Variants in SMYD3 observed in about 807,000 individuals in gnomAD.
SMYD3 encodes the protein SET and MYND domain containing 3, also known as histone-lysine N-methyltransferase SMYD3.
A neutral mutation model predicts 57.7 loss-of-function variants in SMYD3; 36 were observed. That is an observed-to-expected ratio of 0.62 (90% confidence interval 0.48 to 0.82). The LOEUF (loss-of-function observed/expected upper bound fraction) is 0.82, where lower values mean the gene tolerates loss of function less well. Ranked by LOEUF, SMYD3 falls within the 40% of genes least tolerant of loss-of-function variation. The probability of loss-of-function intolerance (pLI) is 0.00; values close to 1 mark genes in which losing one functional copy is unlikely to be tolerated. For synonymous variants in SMYD3, 211 were observed against 195.0 expected, an observed-to-expected ratio of 1.08 and a Z score of -0.68; for missense variants, 515 against 538.8, an observed-to-expected ratio of 0.96 and a Z score of 0.44.
chr1:246,481,593 C>CATATATATATATATTATATATATAT (rs2068101358), intron 1 of SMYD3, among the ~76,000 whole-genome samples: 1 of 27,980 alleles, frequency 3.6e-5, no homozygotes, highest in African/African-American at 1.1e-4. Context: ...TCTCAGGCTC[C>CATATATATATATATTATATATATAT]ATATATATAT....
chr1:246,049,890 T>C (rs1194209018), intron 5 of SMYD3, among the ~76,000 whole-genome samples: 3 of 152,182 alleles, frequency 2.0e-5, no homozygotes, highest in Non-Finnish European at 4.4e-5. Context: ...ACCACTTCAA[T>C]AGCCCACTAA....
chr1:246,384,471 C>T (rs940730469), intron 1 of SMYD3, among the ~76,000 whole-genome samples: 5 of 152,038 alleles, frequency 3.3e-5, no homozygotes, highest in African/African-American at 1.2e-4. Flanking sequence ...TCTCGGCTCA[C>T]TGCAACCTCC....
chr1:246,303,592 TTTTA>T (rs2064931687), intron 5 of SMYD3, among the ~76,000 whole-genome samples: 1 of 152,186 alleles, frequency 6.6e-6, no homozygotes, highest in Non-Finnish European at 1.5e-5. Flanking sequence ...TTCAAACATA[TTTTA>T]TTTGTGGTGA....
At position 245,749,613 on chromosome 1, in the gene SMYD3, C is replaced by G. The variant is rs543248634; in HGVS notation, c.1237G>C (p.Asp413His). 1 of 1,614,186 alleles carries G rather than the reference C, an allele frequency of 6.2e-7. No homozygotes were observed. Among genetic ancestry groups the G allele is most frequent in the African/African-American group, 1.3e-5 (1 of 75,046 alleles). Residue 413 changes from aspartate (D) to histidine (H), a missense_variant, in exon 12 of 12, where the codon GAT (aspartate) becomes CAT (histidine). Asp to His is a moderately conservative substitution (Grantham distance 81, BLOSUM62 -1). Coordinates refer to ENST00000490107, the MANE Select transcript of SMYD3 (RefSeq NM_001167740.2). ...CATTCTTCTAAAAGTAGAATCAAAT[C>G]TTCAATCAGGCTGTGTTCTCTGCCA... Reference protein sequence around the residue: ...THGREHSLIEDLILLLEECDA... With the variant: ...THGREHSLIEHLILLLEECDA...
intron 5 of SMYD3, among the ~76,000 whole-genome samples, chr1:246,253,744 T>C (rs954873401): frequency 5.9e-5 from 9 of 152,232 alleles, no homozygotes; most frequent in African/African-American, 1.9e-4. Flanking sequence ...GATTCATTAT[T>C]TGGCTCTCAG....
rs555248053 is a variant in SMYD3 at position 245,944,408 on chromosome 1, T to A, written c.532-14471A>T. On this transcript the variant is annotated intron_variant, in intron 5 of 11. Coordinates refer to ENST00000490107, the MANE Select transcript of SMYD3 (RefSeq NM_001167740.2). The stretch of plus-strand genomic sequence containing the variant: ...CTATTCATAATTGCTACAAAGAGAA[T>A]AAAATACCTAGGAATACAGCTAACA... Among the ~76,000 whole-genome samples, 186 of 152,078 alleles carry A rather than the reference T, an allele frequency of 1.2e-3. 1 individual carries two copies. Among genetic ancestry groups the A allele is most frequent in the Admixed American group, 0.012 (184 of 15,284 alleles).
At chr1:246,234,290 C>CAT (rs1371742715) in intron 5 of SMYD3, among the ~76,000 whole-genome samples, 1 of 149,030 alleles carries the variant, frequency 6.7e-6, no homozygotes, top group Non-Finnish European at 1.5e-5. Flanking sequence ...CTGTGATGAA[C>CAT]ATACACCAGA....
At chr1:246,464,902 T>A (rs2067860194) in intron 1 of SMYD3, among the ~76,000 whole-genome samples, 1 of 152,248 alleles carries the variant, frequency 6.6e-6, no homozygotes, top group Non-Finnish European at 1.5e-5. Flanking sequence ...TCATATAATC[T>A]GATTTTAGCT....
At chr1:246,489,506 C>T (rs997368864) in intron 1 of SMYD3, among the ~76,000 whole-genome samples, 2 of 152,066 alleles carry the variant, frequency 1.3e-5, no homozygotes, top group Non-Finnish European at 2.9e-5. Flanking sequence ...GTTTAAGAGG[C>T]AGAAGGTTAA....
At chr1:245,809,111 A>G (rs1419347082) in intron 10 of SMYD3, among the ~76,000 whole-genome samples, 2 of 152,198 alleles carry the variant, frequency 1.3e-5, no homozygotes, top group Non-Finnish European at 2.9e-5. Flanking sequence ...AGGTCTCCAA[A>G]TAACTCAGGG....
At chr1:246,377,820 A>C (rs1168756699) in intron 1 of SMYD3, among the ~76,000 whole-genome samples, 4 of 152,210 alleles carry the variant, frequency 2.6e-5, no homozygotes. Flanking sequence ...AGAAAGCACA[A>C]CTTGAACAAT....
chr1:246,217,479 A>G (rs1296159921), intron 5 of SMYD3, among the ~76,000 whole-genome samples: 1 of 152,128 alleles, frequency 6.6e-6, no homozygotes, highest in African/African-American at 2.4e-5. Flanking sequence ...ACTGCACTCC[A>G]GCCTGGGTAA....
At chr1:246,375,005 A>G (rs1170087075) in intron 1 of SMYD3, among the ~76,000 whole-genome samples, 1 of 152,180 alleles carries the variant, frequency 6.6e-6, no homozygotes, top group Admixed American at 6.5e-5. Flanking sequence ...AGGCAGAAGA[A>G]TTGCTTGAAC....
intron 8 of SMYD3, 38 bp downstream of exon 8, chr1:245,915,492 G>T: frequency 7.7e-7 from 1 of 1,294,118 alleles, no homozygotes; most frequent in Non-Finnish European, 1.1e-6. Flanking sequence ...TTGAGATTTT[G>T]CCGTGGAGGT....
intron 5 of SMYD3, among the ~76,000 whole-genome samples, chr1:246,080,317 G>GGGTGAGCAGGCATGACCACTGGAT (rs1558209900): frequency 6.7e-6 from 1 of 150,106 alleles, no homozygotes; most frequent in African/African-American, 2.5e-5. Flanking sequence ...GACCACTGGA[G>GGGTGAGCAGGCATGACCACTGGAT]CTCAGAAAAG....
intron 8 of SMYD3, 75 bp from the exon 9 acceptor site, chr1:245,863,961 G>A (rs2148494186): frequency 1.5e-6 from 2 of 1,371,066 alleles, no homozygotes; most frequent in South Asian, 2.4e-5. Flanking sequence ...CTTTCTCCCA[G>A]ATATACAAAT....
chr1:245,760,594 T>TA (rs1435984737), intron 11 of SMYD3, among the ~76,000 whole-genome samples: 4 of 152,024 alleles, frequency 2.6e-5, no homozygotes, highest in Non-Finnish European at 4.4e-5. Flanking sequence ...TTCTATCCAT[T>TA]AAAAAAATCC....
At chr1:245,944,750 G>A (rs2057374872) in intron 5 of SMYD3, among the ~76,000 whole-genome samples, 1 of 152,142 alleles carries the variant, frequency 6.6e-6, no homozygotes, top group Non-Finnish European at 1.5e-5. Flanking sequence ...ACACTACAAG[G>A]CTACTGTAAC....
In SMYD3 at chr1:245,886,339, G is replaced by A. The variant is rs147437906; in HGVS notation, c.814-22453C>T. 2.8e-3 allele frequency among the ~76,000 whole-genome samples: 432 copies of A among 152,138 alleles called. 4 individuals carry two copies. Among genetic ancestry groups the A allele is most frequent in the Non-Finnish European group, 5.2e-3 (356 of 67,996 alleles). On this transcript the variant is annotated intron_variant, in intron 8 of 11. Transcript: ENST00000490107. The stretch of plus-strand genomic sequence containing the variant: ...TCTCTCCTTACTTATTAGAGTTCTC[G>A]GGGTCTGAAAACGGCTTGTCAACAA...
Sources: allele counts gnomAD v4.1 joint callset (sites outside exome capture counted in the v4.1 genomes callset), GRCh38; gene constraint gnomAD v4.1.1; transcripts MANE v1.5; gene names NCBI Gene and HGNC (gene_info 2026-07-23, HGNC 2026-07-21).